VRK1: variants seen among roughly 807,000 people sequenced by gnomAD.
VRK1 encodes the protein VRK serine/threonine kinase 1.
In VRK1, 33 loss-of-function variants were observed where a neutral mutation model predicts 57.1. That is an observed-to-expected ratio of 0.58 (90% confidence interval 0.44 to 0.77). VRK1 has a LOEUF of 0.77. Ranked by LOEUF, VRK1 falls within the 30% of genes least tolerant of loss-of-function variation. The pLI is 0.00. For synonymous variants in VRK1, 137 were observed against 147.8 expected, an observed-to-expected ratio of 0.93 and a Z score of 0.53; for missense variants, 413 against 477.3, an observed-to-expected ratio of 0.87 and a Z score of 1.25.
chr14:96,866,289 T>C (rs1478975790), intron 11 of VRK1, among the ~76,000 whole-genome samples: 1 of 152,144 alleles, frequency 6.6e-6, no homozygotes, highest in African/African-American at 2.4e-5. Context: ...AATACATATT[T>C]GGGGGTGGAT....
chr14:96,847,146 A>G (rs1422869541), intron 4 of VRK1, 111 bp from the exon 5 acceptor site: 1 of 783,250 alleles, frequency 1.3e-6, no homozygotes, highest in Non-Finnish European at 2.2e-6. Context: ...TTTTATGAAT[A>G]CAGGTGAATT....
At position 96,860,636 on chromosome 14, in the gene VRK1, T is replaced by C. The variant is rs779063272; in HGVS notation, c.969T>C (p.Ile323=). The C allele has an allele frequency of 9.3e-6, 15 of 1,613,274 alleles. No individual in the cohort carries two copies. Among genetic ancestry groups the C allele is most frequent in the Non-Finnish European group, 1.7e-6 (2 of 1,179,532 alleles). Residue 323 remains isoleucine (I), a synonymous_variant, in exon 11 of 13, where the codon ATT becomes ATC. Coordinates refer to ENST00000216639, the MANE Select transcript of VRK1 (RefSeq NM_003384.3). ...CTCTTTATGAAAATTTACGTGACAT[T>C]CTTTTGCAAGGACTAAAAGCTATAG... is the stretch of plus-strand genomic sequence containing the variant. ...EKPLYENLRD[I]LLQGLKAIGS...
intron 1 of VRK1, among the ~76,000 whole-genome samples, chr14:96,807,491 G>C (rs185387811): frequency 7.2e-4 from 109 of 152,256 alleles, no homozygotes; most frequent in South Asian, 3.3e-3. Context: ...GTAGTGCTTT[G>C]AATTGAATTC....
chr14:96,812,072 C>T (rs536651106), intron 1 of VRK1, among the ~76,000 whole-genome samples: 34 of 152,262 alleles, frequency 2.2e-4, no homozygotes, highest in Middle Eastern at 3.4e-3. Context: ...AGTTTCTTAA[C>T]GTGTGTTCAG....
At chr14:96,866,561 C>T (rs771206513) in intron 11 of VRK1, among the ~76,000 whole-genome samples, 1 of 152,266 alleles carries the variant, frequency 6.6e-6, no homozygotes, top group Non-Finnish European at 1.5e-5. Flanking sequence ...ATTCTGCCGT[C>T]TTTCTCCAGG....
At chr14:96,870,961 C>T (rs1214411995) in intron 11 of VRK1, among the ~76,000 whole-genome samples, 1 of 152,010 alleles carries the variant, frequency 6.6e-6, no homozygotes, top group Admixed American at 6.6e-5. Context: ...GAAAGCAGTG[C>T]TTTTGCTGAA....
chr14:96,856,691 A>G (rs1888169669), intron 10 of VRK1, 105 bp downstream of exon 10: 4 of 1,014,994 alleles, frequency 3.9e-6, no homozygotes, highest in South Asian at 2.7e-5. Flanking sequence ...GGTGGTGGCC[A>G]GGCATGGTGG....
At chr14:96,858,895 T>A (rs1274707119) in intron 10 of VRK1, 1 of 152,176 alleles carries the variant, frequency 6.6e-6, no homozygotes, top group East Asian at 1.9e-4. Flanking sequence ...AATTTTAGAA[T>A]CACCTTGTCA....
chr14:96,855,357 G>A lies in VRK1; in HGVS notation c.709+1G>A. On this transcript the variant is annotated splice_donor_variant, in intron 8 of 12. Transcript: ENST00000216639. LOFTEE classifies it high-confidence loss of function. ...AGCATCGATGCACACAATGGCGTGG[G>A]TATGTCAGTAGTACTGGAGTGAGAA... is the stretch of plus-strand genomic sequence containing the variant. The A allele has an allele frequency of 6.2e-7, 1 of 1,613,988 alleles. No individual in the cohort carries two copies. Among genetic ancestry groups the A allele is most frequent in the Non-Finnish European group, 8.5e-7 (1 of 1,179,882 alleles).
At chr14:96,810,258 C>T (rs1371258768) in intron 1 of VRK1, among the ~76,000 whole-genome samples, 1 of 152,114 alleles carries the variant, frequency 6.6e-6, no homozygotes, top group Admixed American at 6.5e-5. Context: ...AAAAATCTTC[C>T]TGTCTTACAG....
At chr14:96,804,887 T>C (rs1469219511) in intron 1 of VRK1, among the ~76,000 whole-genome samples, 2 of 152,224 alleles carry the variant, frequency 1.3e-5, no homozygotes, top group Non-Finnish European at 2.9e-5. Context: ...TCCTCAGTGA[T>C]GGATATGGAG....
In VRK1 at chr14:96,846,097, AC is replaced by A. The variant is rs2139779014; in HGVS notation, c.222del (p.Ser75ValfsTer10). On this transcript the variant is annotated frameshift_variant, in exon 4 of 13. Coordinates refer to ENST00000216639, the MANE Select transcript of VRK1 (RefSeq NM_003384.3). LOFTEE classifies it high-confidence loss of function. ...CTAATTAACTCTTATATTTTAAGGA[AC>A]CCAGTGACAATGGACCTCTTTTTAC... is the stretch of plus-strand genomic sequence containing the variant. ...SDAPCVVKVE[P>X]SDNGPLFTEL... is the part of the protein sequence containing the mutation. 1 of 1,613,138 alleles carries A rather than the reference AC, an allele frequency of 6.2e-7. No homozygotes were observed. The highest frequency in any genetic ancestry group is 8.5e-7 in the Non-Finnish European group (1 of 1,179,346).
chr14:96,841,283 C>T (rs1267347762), intron 3 of VRK1, among the ~76,000 whole-genome samples: 2 of 152,114 alleles, frequency 1.3e-5, no homozygotes, highest in African/African-American at 4.8e-5. Context: ...TGTAACTTTA[C>T]TTTTACTGCC....
Position 96,860,442 on chromosome 14 carries a change from T to TATCTTAAC in VRK1, c.890-113_890-106dup. Reference sequence around the variant, plus strand: ...CATTGAAGTGATTGAAAAAAATAGGTATCTTAACAAGATGTGTATTTGCAT... The same window carrying TATCTTAAC: ...CATTGAAGTGATTGAAAAAAATAGGTATCTTAACATCTTAACAAGATGTGTATTTGCAT... On this transcript the variant is annotated intron_variant, in intron 10 of 12. Coordinates refer to ENST00000216639, the MANE Select transcript of VRK1 (RefSeq NM_003384.3). The TATCTTAAC allele has an allele frequency of 3.1e-6, 3 of 956,606 alleles. No homozygotes were observed. In the East Asian group the frequency reaches 8.0e-5, roughly 26 times the overall value. 59.3% of individuals were successfully genotyped at this position (956,606 alleles called of 1,614,324 possible).
rs1888348613 is a variant in VRK1, at chr14:96,860,646, G to A, written c.979G>A (p.Gly327Arg). The A allele has an allele frequency of 6.2e-7, 1 of 1,613,198 alleles. No homozygotes were observed. The highest frequency in any genetic ancestry group is 1.3e-5 in the African/African-American group (1 of 74,886). The change falls in exon 11 of 13, where the codon GGA becomes AGA. Residue 327 changes from glycine to arginine, a missense_variant. This residue lies in a region of VRK1 where 146 missense variants were observed against 138.2 expected (regional missense o/e 1.06). Coordinates refer to ENST00000216639, the MANE Select transcript of VRK1 (RefSeq NM_003384.3). ...YENLRDILLQ[G>R]LKAIGSKDDG... ...AAATTTACGTGACATTCTTTTGCAA[G>A]GACTAAAAGCTATAGGAAGTAAGGA...
intron 10 of VRK1, among the ~76,000 whole-genome samples, chr14:96,860,256 T>A (rs1452034217): frequency 6.6e-6 from 1 of 152,088 alleles, no homozygotes; most frequent in African/African-American, 2.4e-5. Context: ...TCCCTTTGTA[T>A]TTTTTTATAA....
At chr14:96,849,515 T>C (rs1887865003) in intron 5 of VRK1, among the ~76,000 whole-genome samples, 1 of 152,106 alleles carries the variant, frequency 6.6e-6, no homozygotes, top group South Asian at 2.1e-4. Flanking sequence ...TAGCACTAGA[T>C]TGATTGTACT....
chr14:96,850,125 G>T (rs556322345), intron 5 of VRK1, among the ~76,000 whole-genome samples: 2 of 152,202 alleles, frequency 1.3e-5, no homozygotes, highest in African/African-American at 4.8e-5. Flanking sequence ...TAAAAAGATG[G>T]CATTAGTCAT....
chr14:96,838,032 C>T (rs890749202), intron 3 of VRK1, among the ~76,000 whole-genome samples: 3 of 151,776 alleles, frequency 2.0e-5, no homozygotes, highest in South Asian at 2.1e-4. Context: ...CACTGGTATT[C>T]GGGGGTAAAT....
Sources: gnomAD v4.1 joint callset for allele counts (sites outside exome capture counted in the v4.1 genomes callset) on GRCh38, gnomAD v4.1.1 for gene constraint, gnomAD v4.1.1 regional missense constraint, MANE v1.5 for transcripts, NCBI Gene and HGNC (gene_info 2026-07-23, HGNC 2026-07-21) for gene names.